SYNPR: variants seen among roughly 807,000 people sequenced by gnomAD.
SYNPR encodes the protein synaptoporin.
Under a neutral mutation model 32.9 loss-of-function variants are expected in SYNPR, and 23 were observed. The observed-to-expected ratio is 0.70, with a 90% confidence interval of 0.50 to 0.99. The LOEUF is 0.99. Ranked by LOEUF, SYNPR falls within the 50% of genes least tolerant of loss-of-function variation. The probability of loss-of-function intolerance (pLI) is 0.00; values close to 1 mark genes in which losing one functional copy is unlikely to be tolerated. For synonymous variants in SYNPR, 146 were observed against 135.9 expected, an observed-to-expected ratio of 1.07 and a Z score of -0.52; for missense variants, 318 against 349.3, an observed-to-expected ratio of 0.91 and a Z score of 0.71.
intron 2 of SYNPR, among the ~76,000 whole-genome samples, chr3:63,289,840 C>G (rs1042374855): frequency 6.6e-6 from 1 of 152,128 alleles, no homozygotes; most frequent in Non-Finnish European, 1.5e-5. Flanking sequence ...TAATAAAAAA[C>G]TCCTTTTCAG....
chr3:63,206,059 G>A, the SYNPR span, among the ~76,000 whole-genome samples: 65 of 152,230 alleles, frequency 4.3e-4, no homozygotes, highest in Non-Finnish European at 4.4e-4. Flanking sequence ...TGTCAAATTT[G>A]TAGCCCCTGT....
At chr3:63,227,149 A>G (rs1030549454), upstream of SYNPR, among the ~76,000 whole-genome samples, 2 of 152,206 alleles carry the variant, frequency 1.3e-5, no homozygotes, top group Non-Finnish European at 2.9e-5. Flanking sequence ...ATAATTATCC[A>G]CTTTTGGGAG....
chr3:63,232,103 GGA>G (rs1215841272), intron 1 of SYNPR, among the ~76,000 whole-genome samples: 2 of 151,704 alleles, frequency 1.3e-5, no homozygotes, highest in African/African-American at 4.8e-5. Flanking sequence ...TTCATCTGCA[GGA>G]GGATATATGG....
chr3:63,575,049 C>G (rs1034837029), intron 4 of SYNPR, among the ~76,000 whole-genome samples: 3 of 151,996 alleles, frequency 2.0e-5, no homozygotes, highest in Non-Finnish European at 2.9e-5. Context: ...GGCACACACA[C>G]AGTCAAACCT....
Position 63,265,241 on chromosome 3 carries a change from C to CTTTTTTTTTTTTT in SYNPR, n.155-2062_155-2050dup, listed in dbSNP as rs71126590. 4.2e-3 allele frequency among the ~76,000 whole-genome samples: 426 copies of CTTTTTTTTTTTTT among 102,160 alleles called. 51 individuals are homozygous for CTTTTTTTTTTTTT. The highest frequency in any genetic ancestry group is 6.3e-3 in the South Asian group (16 of 2,540). The allele number at this position is 102,160 out of a possible 152,430, so 67.0% of individuals were successfully genotyped here. On this transcript the variant is annotated intron_variant and non_coding_transcript_variant, in intron 2 of 4. Transcript: ENST00000478456. ...TGGCAATTTGGTTTCTAATGACATT[C>CTTTTTTTTTTTTT]TTTTTTTTTTTTTTTTTTTTTTTTT...
In SYNPR at chr3:63,408,190, GAAAGAGGAAGGA is replaced by G. The variant is rs1406121604; in HGVS notation, c.85-72640_85-72629del. 5.0e-4 allele frequency among the ~76,000 whole-genome samples: 45 copies of G among 89,358 alleles called. 4 individuals are homozygous for G. The highest frequency in any genetic ancestry group is 2.1e-3 in the African/African-American group (41 of 19,958). The allele number at this position is 89,358 out of a possible 152,430, so 58.6% of individuals were successfully genotyped here. Reference sequence around the variant, plus strand: ...AGAAAGAAAGAAAGAAAGAAAGAAAGAAAGAGGAAGGAAGGAAGGAAGGAAGGAAGGAAGGAA... The same window carrying G: ...AGAAAGAAAGAAAGAAAGAAAGAAAGAGGAAGGAAGGAAGGAAGGAAGGAA... On this transcript the variant is annotated intron_variant, in intron 2 of 5. Transcript: ENST00000478300.
chr3:63,353,646 G>A (rs966386541), intron 2 of SYNPR, among the ~76,000 whole-genome samples: 3 of 152,158 alleles, frequency 2.0e-5, no homozygotes, highest in African/African-American at 4.8e-5. Context: ...TCCTCCTCTT[G>A]CAAGTGCCAC....
intron 4 of SYNPR, among the ~76,000 whole-genome samples, chr3:63,565,187 G>T (rs1702760352): frequency 6.6e-6 from 1 of 152,106 alleles, no homozygotes; most frequent in South Asian, 2.1e-4. Context: ...ACAGACCAGG[G>T]GTTTTCAACT....
chr3:63,555,941 CT>C (rs1182633387), intron 3 of SYNPR, among the ~76,000 whole-genome samples: 2 of 152,156 alleles, frequency 1.3e-5, no homozygotes, highest in Non-Finnish European at 2.9e-5. Context: ...AAAGGAGCTC[CT>C]TTTGATTAAT....
chr3:63,284,901 A>C (rs1341935622), intron 2 of SYNPR, among the ~76,000 whole-genome samples: 1 of 152,196 alleles, frequency 6.6e-6, no homozygotes, highest in African/African-American at 2.4e-5. Context: ...GAATCTGTGT[A>C]ACTTTAACAT....
At chr3:63,265,045 A>T (rs1433101100) in intron 2 of SYNPR, among the ~76,000 whole-genome samples, 1 of 152,072 alleles carries the variant, frequency 6.6e-6, no homozygotes, top group Non-Finnish European at 1.5e-5. Context: ...GTTCTACCCT[A>T]TGAGAATAGC....
intron 2 of SYNPR, among the ~76,000 whole-genome samples, chr3:63,397,498 C>T (rs1194462567): frequency 6.6e-6 from 1 of 152,164 alleles, no homozygotes; most frequent in Non-Finnish European, 1.5e-5. Flanking sequence ...CCTGCATTCT[C>T]CTTTTTCTAG....
At chr3:63,268,042 T>A (rs1319449829) in intron 3 of SYNPR, among the ~76,000 whole-genome samples, 1 of 152,226 alleles carries the variant, frequency 6.6e-6, no homozygotes, top group Non-Finnish European at 1.5e-5. Flanking sequence ...ATATTCATTG[T>A]TTCACACTGT....
chr3:63,305,672 T>C (rs1244183106), intron 2 of SYNPR, among the ~76,000 whole-genome samples: 7 of 151,960 alleles, frequency 4.6e-5, no homozygotes, highest in African/African-American at 1.7e-4. Context: ...GGCATTTTTA[T>C]TTGTAACAAG....
chr3:63,549,735 A>G (rs1702469076), intron 3 of SYNPR, among the ~76,000 whole-genome samples: 1 of 152,222 alleles, frequency 6.6e-6, no homozygotes, highest in African/African-American at 2.4e-5. Flanking sequence ...CTACAAACGT[A>G]ACTAAAAACT....
At chr3:63,331,020 CT>C (rs899110329) in intron 2 of SYNPR, among the ~76,000 whole-genome samples, 1 of 152,210 alleles carries the variant, frequency 6.6e-6, no homozygotes, top group African/African-American at 2.4e-5. Flanking sequence ...GGTAACTGAA[CT>C]CTGATTCTTC....
chr3:63,418,173 C>G (rs2088565784), intron 2 of SYNPR, among the ~76,000 whole-genome samples: 1 of 152,176 alleles, frequency 6.6e-6, no homozygotes. Context: ...AATCATCTTT[C>G]TCAAGTTCAA....
intron 2 of SYNPR, among the ~76,000 whole-genome samples, chr3:63,450,788 G>A (rs957053283): frequency 6.6e-6 from 1 of 152,122 alleles, no homozygotes; most frequent in Non-Finnish European, 1.5e-5. Context: ...ATAGATGCAG[G>A]GCTTTGCCAG....
chr3:63,379,528 C>A (rs1257612137), intron 2 of SYNPR, among the ~76,000 whole-genome samples: 5 of 152,064 alleles, frequency 3.3e-5, no homozygotes, highest in Non-Finnish European at 5.9e-5. Flanking sequence ...ACATTTAGAA[C>A]TGCTATGTCT....
Sources: gnomAD v4.1 joint callset for allele counts (sites outside exome capture counted in the v4.1 genomes callset) on GRCh38, gnomAD v4.1.1 for gene constraint, MANE v1.5 for transcripts, NCBI Gene and HGNC (gene_info 2026-07-23, HGNC 2026-07-21) for gene names.